TMEM132D: variants seen among roughly 807,000 people sequenced by gnomAD.
The protein encoded by TMEM132D is mature OL transmembrane protein.
TMEM132D carries 21 observed loss-of-function variants against 62.3 expected under a neutral mutation model. The observed-to-expected ratio is 0.34, with a 90% CI of 0.24 to 0.49. The LOEUF is 0.49. Ranked by LOEUF, TMEM132D falls within the 20% of genes least tolerant of loss-of-function variation. TMEM132D has a pLI of 0.99. For synonymous variants in TMEM132D, 621 were observed against 575.6 expected (o/e 1.08, Z -1.13); for missense variants, 1,346 against 1,402.8 (o/e 0.96, Z 0.65).
chr12:129,347,253 C>T (rs747784023), intron 3 of TMEM132D, among the ~76,000 whole-genome samples: 9 of 152,184 alleles, frequency 5.9e-5, no homozygotes, highest in African/African-American at 9.7e-5. Context: ...ATAGCCAAGA[C>T]AGTCCTAAGC....
intron 1 of TMEM132D, among the ~76,000 whole-genome samples, chr12:129,782,890 C>A (rs1210498994): frequency 1.3e-5 from 2 of 152,296 alleles, no homozygotes; most frequent in South Asian, 2.1e-4. Flanking sequence ...CACTTTTTTT[C>A]CTTCTCAATA....
At chr12:129,674,943 T>C (rs147469562) in intron 2 of TMEM132D, among the ~76,000 whole-genome samples, 1 of 152,348 alleles carries the variant, frequency 6.6e-6, no homozygotes, top group African/African-American at 2.4e-5. Flanking sequence ...TGTTAAATTC[T>C]GATTGTTTTC....
intron 2 of TMEM132D, among the ~76,000 whole-genome samples, chr12:129,636,737 T>TGTGTGTGTGTGTGTGTGTGA (rs375868329): frequency 1.2e-4 from 14 of 113,556 alleles, no homozygotes; most frequent in Admixed American, 4.0e-4. Context: ...TGTGTGTGTG[T>TGTGTGTGTGTGTGTGTGTGA]GAGAGAGAGA....
intron 2 of TMEM132D, among the ~76,000 whole-genome samples, chr12:129,640,391 G>T (rs1250341378): frequency 6.6e-6 from 1 of 152,170 alleles, no homozygotes; most frequent in African/African-American, 2.4e-5. Context: ...CCATAAGAAT[G>T]GGATGCTTCT....
chr12:129,349,425 C>CAAA (rs112916906), intron 3 of TMEM132D, among the ~76,000 whole-genome samples: 2,330 of 152,258 alleles, frequency 0.015, 33 homozygotes, highest in African/African-American at 0.036. Context: ...GGAAAAAGGA[C>CAAA]AACAAACTGT....
At chr12:129,840,449 T>C (rs1873156966) in intron 1 of TMEM132D, 1 of 152,158 alleles carries the variant, frequency 6.6e-6, no homozygotes, top group African/African-American at 2.4e-5. Context: ...AGTAAACGGT[T>C]CCCCGGAAAT....
chr12:129,720,829 A>G (rs1017261788), intron 1 of TMEM132D, among the ~76,000 whole-genome samples: 3 of 152,248 alleles, frequency 2.0e-5, no homozygotes, highest in Admixed American at 6.5e-5. Context: ...TTAATCACCT[A>G]TAAATCAATA....
chr12:129,638,874 A>C lies in TMEM132D; in HGVS notation c.968+60936T>G, dbSNP rs80322425. Among the ~76,000 whole-genome samples, 326 of 152,242 alleles carry C rather than the reference A, an allele frequency of 2.1e-3. 3 individuals are homozygous for C. Among genetic ancestry groups the C allele is most frequent in the African/African-American group, 7.6e-3 (317 of 41,548 alleles). On this transcript the variant is annotated intron_variant, in intron 2 of 8. Transcript: ENST00000422113. ...GTGGCCACATTGCTTTCCCACTTAG[A>C]GGGGCAAATGAGAGTGCACATTAGA... is the stretch of plus-strand genomic sequence containing the variant.
At position 129,604,954 on chromosome 12, in the gene TMEM132D, T is replaced by C. The variant is rs1374663463; in HGVS notation, c.969-73749A>G. On this transcript the variant is annotated intron_variant, in intron 2 of 8. Coordinates refer to ENST00000422113, the MANE Select transcript of TMEM132D (RefSeq NM_133448.3). ...AGAAGGGGCAGTGAACAAGAGGAGA[T>C]GCAAGATACTTATTTAGAACCTCTT... 2.6e-5 allele frequency among the ~76,000 whole-genome samples: 4 copies of C among 152,174 alleles called. No individual in the cohort carries two copies. The South Asian group carries it at 6.2e-4, about 24-fold the overall frequency.
At chr12:129,223,182 G>A (rs1593301510) in intron 4 of TMEM132D, among the ~76,000 whole-genome samples, 1 of 151,990 alleles carries the variant, frequency 6.6e-6, no homozygotes, top group East Asian at 2.0e-4. Flanking sequence ...GCCGGTCTTA[G>A]GACTCACCTC....
At chr12:129,289,756 A>C (rs1881401450) in intron 4 of TMEM132D, among the ~76,000 whole-genome samples, 1 of 152,144 alleles carries the variant, frequency 6.6e-6, no homozygotes, top group Non-Finnish European at 1.5e-5. Context: ...ACCTTCCTGC[A>C]GTCCCAGCTA....
chr12:129,184,778 T>C lies in TMEM132D; in HGVS notation c.1443+24742A>G, dbSNP rs1440620466. 2.6e-5 allele frequency among the ~76,000 whole-genome samples: 4 copies of C among 152,064 alleles called. No homozygotes were observed. The East Asian group carries it at 7.8e-4, about 29-fold the overall frequency. On this transcript the variant is annotated intron_variant, in intron 5 of 8. Coordinates refer to ENST00000422113, the MANE Select transcript of TMEM132D (RefSeq NM_133448.3). ...AGCTCTGATCACATGGGACACACTT[T>C]CTCTTTCTTAGACAATCACCTTTGG...
intron 3 of TMEM132D, among the ~76,000 whole-genome samples, chr12:129,395,435 G>A (rs1593363435): frequency 6.6e-6 from 1 of 152,066 alleles, no homozygotes; most frequent in South Asian, 2.1e-4. Context: ...TTTCTTATGG[G>A]TATATATTTG....
chr12:129,532,355 A>G (rs1876253998), intron 2 of TMEM132D, among the ~76,000 whole-genome samples: 1 of 152,192 alleles, frequency 6.6e-6, no homozygotes, highest in African/African-American at 2.4e-5. Context: ...GCCAGAGCCT[A>G]CATCTCAAAA....
chr12:129,273,714 G>A lies in TMEM132D; in HGVS notation c.1299+63920C>T, dbSNP rs191635835. 1.8e-3 allele frequency among the ~76,000 whole-genome samples: 266 copies of A among 151,778 alleles called. 1 individual carries two copies. The highest frequency in any genetic ancestry group is 3.4e-3 in the Middle Eastern group (1 of 292). On this transcript the variant is annotated intron_variant, in intron 4 of 8. Coordinates refer to ENST00000422113, the MANE Select transcript of TMEM132D (RefSeq NM_133448.3). The stretch of plus-strand genomic sequence containing the variant: ...TCTCATTTATAAGCGGGAGCTAATC[G>A]CCGGGTGCCCATGGACATAAAGATG...
Position 129,614,583 on chromosome 12 carries a change from C to T in TMEM132D, c.969-83378G>A, listed in dbSNP as rs375682152. ...TCTGAAGTATCTTTGCCATAGCGAA[C>T]GGCAGTCCAAAATTCTTCAAGGAAG... On this transcript the variant is annotated intron_variant, in intron 2 of 8. Transcript: ENST00000422113. Among the ~76,000 whole-genome samples, 357 of 152,312 alleles carry T rather than the reference C, an allele frequency of 2.3e-3. 1 individual carries two copies. The highest frequency in any genetic ancestry group is 6.9e-3 in the African/African-American group (288 of 41,566).
At chr12:129,832,035 C>CTTTTTT (rs71085577) in intron 1 of TMEM132D, among the ~76,000 whole-genome samples, 1,003 of 93,894 alleles carry the variant, frequency 0.011, 55 homozygotes, top group Middle Eastern at 0.017. Flanking sequence ...ATGCCCGGCT[C>CTTTTTT]TTTTTTTTTT....
chr12:129,749,353 C>A (rs1380455040), intron 1 of TMEM132D, among the ~76,000 whole-genome samples: 5 of 152,176 alleles, frequency 3.3e-5, no homozygotes, highest in African/African-American at 9.7e-5. Flanking sequence ...CAGAGGCAAC[C>A]TTCAGAGAAG....
intron 8 of TMEM132D, among the ~76,000 whole-genome samples, chr12:129,077,680 A>G (rs1874312016): frequency 6.6e-6 from 1 of 152,178 alleles, no homozygotes; most frequent in South Asian, 2.1e-4. Flanking sequence ...CATATATGAC[A>G]CAGACCCACA....
Sources: gnomAD v4.1 joint callset for allele counts (sites outside exome capture counted in the v4.1 genomes callset) on GRCh38, gnomAD v4.1.1 for gene constraint, MANE v1.5 for transcripts, NCBI Gene and HGNC (gene_info 2026-07-23, HGNC 2026-07-21) for gene names.